Variants in CECR2 observed in about 807,000 individuals in gnomAD.
CECR2 encodes CECR2 histone acetyl-lysine reader.
Under a neutral mutation model 154.5 loss-of-function variants are expected in CECR2, and 30 were observed. That is an observed-to-expected ratio of 0.19 (90% CI 0.15 to 0.26). The LOEUF is 0.26. CECR2 is among the 10% of genes least tolerant of loss of function. The pLI, the probability that CECR2 is intolerant of heterozygous loss-of-function variation, is 1.00. For synonymous variants in CECR2, 725 were observed against 683.7 expected (o/e 1.06, Z -0.94); for missense variants, 1,743 against 1,829.3 (o/e 0.95, Z 0.86).
At chr22:17,405,544 G>A (rs1372638155) in intron 1 of CECR2, among the ~76,000 whole-genome samples, 1 of 149,792 alleles carries the variant, frequency 6.7e-6, no homozygotes, top group African/African-American at 2.4e-5. Flanking sequence ...AGAGGCTGAG[G>A]CAGGAGAATC....
chr22:17,515,422 CTG>C (rs1238301861), intron 8 of CECR2, among the ~76,000 whole-genome samples: 1 of 152,222 alleles, frequency 6.6e-6, no homozygotes, highest in Non-Finnish European at 1.5e-5. Context: ...ATGTAGAAAA[CTG>C]TAAAAGACCT....
At chr22:17,510,498 A>G (rs2055925483) in intron 7 of CECR2, among the ~76,000 whole-genome samples, 1 of 152,112 alleles carries the variant, frequency 6.6e-6, no homozygotes, top group Non-Finnish European at 1.5e-5. Flanking sequence ...GGTATATTTC[A>G]GGAAACTGCT....
At chr22:17,370,159 G>C (rs1314399524) in intron 1 of CECR2, among the ~76,000 whole-genome samples, 1 of 151,186 alleles carries the variant, frequency 6.6e-6, no homozygotes, top group Non-Finnish European at 1.5e-5. Flanking sequence ...CGAGGGCGGG[G>C]CGGGCCCGTG....
chr22:17,460,185 CT>C (rs1465373343), intron 1 of CECR2, among the ~76,000 whole-genome samples: 1 of 152,100 alleles, frequency 6.6e-6, no homozygotes, highest in East Asian at 1.9e-4. Context: ...TTGAAGTCTT[CT>C]CTGAGGTTTC....
At chr22:17,537,729 A>G (rs1364309821) in intron 10 of CECR2, among the ~76,000 whole-genome samples, 1 of 152,218 alleles carries the variant, frequency 6.6e-6, no homozygotes, top group East Asian at 1.9e-4. Flanking sequence ...GGCCGGGCTC[A>G]CGCCTGTAAT....
chr22:17,512,707 G>GAAA (rs774207282), intron 8 of CECR2, among the ~76,000 whole-genome samples: 6 of 122,446 alleles, frequency 4.9e-5, no homozygotes, highest in Non-Finnish European at 6.6e-5. Context: ...CTCTGTCTCA[G>GAAA]AAAAAAAAAA....
intron 17 of CECR2, among the ~76,000 whole-genome samples, chr22:17,549,923 G>T (rs1460801713): frequency 1.3e-5 from 2 of 151,442 alleles, no homozygotes; most frequent in Non-Finnish European, 2.9e-5. Context: ...AGCACACCTG[G>T]CCTGGATGTT....
At chr22:17,498,315 C>T (rs976849112) in intron 3 of CECR2, among the ~76,000 whole-genome samples, 1 of 151,626 alleles carries the variant, frequency 6.6e-6, no homozygotes, top group East Asian at 1.9e-4. Flanking sequence ...GGCATGAACC[C>T]GGGAGGCGGA....
chr22:17,368,301 T>C (rs1182065257), upstream of CECR2, among the ~76,000 whole-genome samples: 1 of 152,176 alleles, frequency 6.6e-6, no homozygotes, highest in Non-Finnish European at 1.5e-5. Context: ...TTGTACACTT[T>C]GTGATTGTGC....
intron 1 of CECR2, among the ~76,000 whole-genome samples, chr22:17,453,359 T>C (rs983442539): frequency 3.9e-5 from 6 of 152,152 alleles, no homozygotes; most frequent in African/African-American, 1.4e-4. Context: ...GGAGAACTGC[T>C]TGAACCCAGG....
chr22:17,482,930 C>T (rs539313959), intron 2 of CECR2, among the ~76,000 whole-genome samples: 109 of 152,226 alleles, frequency 7.2e-4, no homozygotes, highest in African/African-American at 2.5e-3. Context: ...ATCCTCCCAC[C>T]TTGGCCTCCC....
At chr22:17,542,023 A>G in intron 15 of CECR2, 56 bp downstream of exon 15, 1 of 1,585,026 alleles carries the variant, frequency 6.3e-7, no homozygotes, top group South Asian at 1.1e-5. Context: ...TACGTTTCAG[A>G]GAAAAAGTCT....
chr22:17,362,302 C>T (rs1312181730), intron 1 of CECR2, among the ~76,000 whole-genome samples: 3 of 152,072 alleles, frequency 2.0e-5, no homozygotes, highest in Admixed American at 6.6e-5. Flanking sequence ...CCTCGGCCTC[C>T]GAAAGTGCTA....
rs989618575 is a variant in CECR2 at position 17,530,536 on chromosome 22, G to T, written c.1108+6265G>T. Reference sequence around the variant, plus strand: ...AAAATACAAAAAAAAAATTAGCCGGGCATGGTGGCGTGCACCTGTAGTCCC... The same window carrying T: ...AAAATACAAAAAAAAAATTAGCCGGTCATGGTGGCGTGCACCTGTAGTCCC... On this transcript the variant is annotated intron_variant, in intron 9 of 18. Coordinates refer to ENST00000262608, the MANE Select transcript of CECR2 (RefSeq NM_001290047.2). Among the ~76,000 whole-genome samples the T allele has an allele frequency of 2.0e-5, 3 of 152,096 alleles. No individual in the cohort carries two copies. In the East Asian group the frequency reaches 5.8e-4, roughly 29 times the overall value.
intron 6 of CECR2, among the ~76,000 whole-genome samples, chr22:17,504,383 T>C (rs1287645104): frequency 6.6e-6 from 1 of 151,794 alleles, no homozygotes; most frequent in African/African-American, 2.4e-5. Context: ...TCAAAAAAAA[T>C]AAAATTAAGT....
intron 9 of CECR2, among the ~76,000 whole-genome samples, chr22:17,527,971 G>T (rs2056292938): frequency 6.6e-6 from 1 of 152,172 alleles, no homozygotes; most frequent in Non-Finnish European, 1.5e-5. Context: ...ACATAAATTA[G>T]TCCCCCGCTA....
At chr22:17,484,814 G>T (rs148396367) in intron 2 of CECR2, among the ~76,000 whole-genome samples, 44 of 152,270 alleles carry the variant, frequency 2.9e-4, no homozygotes, top group African/African-American at 1.0e-3. Context: ...GAAGGCAGAG[G>T]TTGCAGTGAG....
chr22:17,539,257 A>T, intron 13 of CECR2, 138 bp downstream of exon 13: 1 of 925,458 alleles, frequency 1.1e-6, no homozygotes, highest in Admixed American at 2.3e-5. Context: ...GGGATTGACC[A>T]TTCCAGCCAC....
At chr22:17,510,466 T>C (rs895948451) in intron 7 of CECR2, among the ~76,000 whole-genome samples, 3 of 140,144 alleles carry the variant, frequency 2.1e-5, no homozygotes. Flanking sequence ...CAAGAACCTA[T>C]GAAAAAAAAA....
Sources: gnomAD v4.1 joint callset for allele counts (sites outside exome capture counted in the v4.1 genomes callset) on GRCh38, gnomAD v4.1.1 for gene constraint, MANE v1.5 for transcripts, NCBI Gene and HGNC (gene_info 2026-07-23, HGNC 2026-07-21) for gene names.